The following LMX1A variants were observed in gnomAD, a reference collection of about 807,000 sequenced individuals.
The protein encoded by LMX1A is LIM homeobox transcription factor 1 alpha.
A neutral mutation model predicts 49.1 loss-of-function variants in LMX1A; 15 were observed. That is an observed-to-expected ratio of 0.31 (90% confidence interval 0.20 to 0.47). LMX1A has a LOEUF of 0.47. Ranked by LOEUF, LMX1A falls within the 20% of genes least tolerant of loss-of-function variation. The probability of loss-of-function intolerance (pLI) is 1.00; values close to 1 mark genes in which losing one functional copy is unlikely to be tolerated. For missense variants in LMX1A, 372 were observed against 475.8 expected (o/e 0.78, Z 2.03); for synonymous variants, 167 against 185.7 (o/e 0.90, Z 0.82).
intron 3 of LMX1A, among the ~76,000 whole-genome samples, chr1:165,271,450 C>T (rs1004218422): frequency 2.0e-5 from 3 of 152,234 alleles, no homozygotes; most frequent in African/African-American, 7.2e-5. Context: ...GTTTAAGCCT[C>T]TGTTCATTTA....
intron 3 of LMX1A, among the ~76,000 whole-genome samples, chr1:165,280,900 T>C (rs1224601511): frequency 1.3e-5 from 2 of 152,154 alleles, no homozygotes; most frequent in Non-Finnish European, 2.9e-5. Context: ...GATAGGGCCT[T>C]CGTAACAGTC....
chr1:165,312,015 G>A (rs141024597), intron 3 of LMX1A, among the ~76,000 whole-genome samples: 58 of 152,290 alleles, frequency 3.8e-4, no homozygotes, highest in Admixed American at 1.2e-3. Flanking sequence ...AGGCAACCAC[G>A]TACTGTTATA....
At chr1:165,259,348 C>T (rs1350645006) in intron 3 of LMX1A, among the ~76,000 whole-genome samples, 1 of 152,222 alleles carries the variant, frequency 6.6e-6, no homozygotes, top group African/African-American at 2.4e-5. Flanking sequence ...TTGACCCACA[C>T]ACAAATTCAT....
chr1:165,293,074 A>T (rs1444911298), intron 3 of LMX1A, among the ~76,000 whole-genome samples: 1 of 151,516 alleles, frequency 6.6e-6, no homozygotes, highest in Non-Finnish European at 1.5e-5. Flanking sequence ...CCGAGATTGC[A>T]CCATTGTACT....
chr1:165,337,605 A>C (rs917248725), intron 3 of LMX1A, among the ~76,000 whole-genome samples: 1 of 152,142 alleles, frequency 6.6e-6, no homozygotes, highest in Non-Finnish European at 1.5e-5. Flanking sequence ...TTCACCCCTG[A>C]CTGCATTCCC....
At chr1:165,291,143 T>C (rs970811426) in intron 3 of LMX1A, among the ~76,000 whole-genome samples, 2 of 152,236 alleles carry the variant, frequency 1.3e-5, no homozygotes, top group Admixed American at 1.3e-4. Context: ...ATTCTCCACC[T>C]TAGCAACAGT....
At chr1:165,303,893 G>A (rs372699434) in intron 3 of LMX1A, among the ~76,000 whole-genome samples, 21 of 152,082 alleles carry the variant, frequency 1.4e-4, no homozygotes, top group African/African-American at 4.6e-4. Flanking sequence ...TATCTTCCAC[G>A]CAGATATTAT....
chr1:165,349,559 C>T (rs1656352309), intron 3 of LMX1A, among the ~76,000 whole-genome samples: 2 of 152,100 alleles, frequency 1.3e-5, no homozygotes, highest in African/African-American at 4.8e-5. Context: ...CAATTATAGC[C>T]TTCAGTTCTT....
Position 165,355,626 on chromosome 1 carries a change from G to A in LMX1A, c.-22-45C>T, listed in dbSNP as rs1001692048. 12 of 1,480,930 alleles carry A rather than the reference G, an allele frequency of 8.1e-6. No individual in the cohort carries two copies. In the Admixed American group the frequency reaches 2.2e-4, roughly 27 times the overall value. 91.7% of individuals were successfully genotyped at this position (1,480,930 alleles called of 1,614,324 possible). A position where few individuals can be genotyped will look rare whatever the true frequency, so the allele number is the denominator to read the frequency against. On this transcript the variant is annotated intron_variant, in intron 1 of 8. Transcript: ENST00000342310. This position sits in a 1 kb window ranked among gnomAD's most constrained non-coding sequence, Gnocchi z 4.7. ...ATGCGTCTGACGTCCGTGCCCGCTG[G>A]GACTCGGCGCCAGCAGCCACCGCAC...
At chr1:165,309,854 C>T (rs762793978) in intron 3 of LMX1A, among the ~76,000 whole-genome samples, 9 of 152,206 alleles carry the variant, frequency 5.9e-5, no homozygotes, top group Non-Finnish European at 1.2e-4. Flanking sequence ...TGTATTCCAT[C>T]CCACTGCCTT....
intron 3 of LMX1A, among the ~76,000 whole-genome samples, chr1:165,344,306 G>T (rs1237320929): frequency 3.9e-5 from 6 of 152,214 alleles, no homozygotes; most frequent in African/African-American, 1.4e-4. Context: ...TCCCTGTGAA[G>T]ACGGTGGCTG....
chr1:165,205,202 C>T (rs1382785173), intron 8 of LMX1A, among the ~76,000 whole-genome samples: 2 of 152,152 alleles, frequency 1.3e-5, no homozygotes, highest in Non-Finnish European at 2.9e-5. Flanking sequence ...CTATACTTGG[C>T]TGAGGTTGAA....
intron 4 of LMX1A, among the ~76,000 whole-genome samples, chr1:165,223,862 C>T (rs1651943130): frequency 6.6e-6 from 1 of 151,262 alleles, no homozygotes; most frequent in South Asian, 2.1e-4. Context: ...TCTGTTTTGA[C>T]CTACTTCTGG....
At position 165,296,651 on chromosome 1, in the gene LMX1A, A is replaced by G. The variant is rs186449231; in HGVS notation, c.264-47011T>C. Among the ~76,000 whole-genome samples, 403 of 152,330 alleles carry G rather than the reference A, an allele frequency of 2.6e-3. 1 individual carries two copies. Among genetic ancestry groups the G allele is most frequent in the Admixed American group, 5.6e-3 (86 of 15,300 alleles). ...ACGGCAGATGTCTGGGCCCCACCCAAGGTTCCTATATCAGACCTCATATAA... is the reference window on the plus strand; with the variant it reads ...ACGGCAGATGTCTGGGCCCCACCCAGGGTTCCTATATCAGACCTCATATAA... On this transcript the variant is annotated intron_variant, in intron 3 of 8. Transcript: ENST00000342310.
chr1:165,285,188 C>T (rs1276146644), intron 3 of LMX1A, among the ~76,000 whole-genome samples: 1 of 152,150 alleles, frequency 6.6e-6, no homozygotes, highest in Non-Finnish European at 1.5e-5. Context: ...TAATCCTCAC[C>T]TCTGCTTCAT....
intron 3 of LMX1A, among the ~76,000 whole-genome samples, chr1:165,259,409 A>T (rs1187364306): frequency 6.6e-6 from 1 of 152,230 alleles, no homozygotes; most frequent in Non-Finnish European, 1.5e-5. Context: ...ATGTTTAGCC[A>T]ACCAGAGCCA....
intron 4 of LMX1A, among the ~76,000 whole-genome samples, chr1:165,222,113 A>C (rs1012256282): frequency 3.9e-5 from 6 of 152,226 alleles, no homozygotes; most frequent in African/African-American, 1.2e-4. Flanking sequence ...AACTGCAAAT[A>C]CTGGCAACTG....
At chr1:165,215,679 G>T (rs1347630410) in intron 4 of LMX1A, among the ~76,000 whole-genome samples, 1 of 152,096 alleles carries the variant, frequency 6.6e-6, no homozygotes, top group East Asian at 1.9e-4. Flanking sequence ...TTCCTTCCAC[G>T]AACATTTGAA....
intron 4 of LMX1A, among the ~76,000 whole-genome samples, chr1:165,221,751 T>C (rs1200559094): frequency 1.3e-5 from 2 of 152,172 alleles, no homozygotes; most frequent in African/African-American, 4.8e-5. Context: ...AGCTGGCTGG[T>C]GCTCATGAAG....
Sources: allele counts gnomAD v4.1 joint callset (sites outside exome capture counted in the v4.1 genomes callset), GRCh38; gene constraint gnomAD v4.1.1; non-coding constraint Gnocchi (gnomAD v3.1); transcripts MANE v1.5; gene names NCBI Gene and HGNC (gene_info 2026-07-23, HGNC 2026-07-21).